The following ZNF728 variants were observed in gnomAD, a reference collection of about 807,000 sequenced individuals.
ZNF728 encodes zinc finger protein 728.
Under a neutral mutation model 12.5 loss-of-function variants are expected in ZNF728, and 12 were observed. The ratio of observed to expected loss-of-function variants is 0.96; its 90% CI spans 0.61 to 1.55. The LOEUF (loss-of-function observed/expected upper bound fraction) is 1.55. Among genes scored for constraint, ZNF728 ranks in the 40% most tolerant of loss-of-function variants. The probability of loss-of-function intolerance (pLI) is 0.00; values close to 1 mark genes in which losing one functional copy is unlikely to be tolerated. For synonymous variants in ZNF728, 205 were observed against 240.7 expected, an observed-to-expected ratio of 0.85 and a Z score of 1.37; for missense variants, 692 against 719.2, an observed-to-expected ratio of 0.96 and a Z score of 0.43.
chr19:22,993,252 C>T (rs1025562765), intron 1 of ZNF728, among the ~76,000 whole-genome samples: 2 of 152,232 alleles, frequency 1.3e-5, no homozygotes, highest in Admixed American at 1.3e-4. Flanking sequence ...TCTCACAATG[C>T]AGAAAATGCC....
Position 22,988,463 on chromosome 19 carries a change from A to G in ZNF728, c.4-12T>C, listed in dbSNP as rs1968944090. 6.2e-7 allele frequency: 1 copy of G among 1,613,122 alleles called. No individual in the cohort carries two copies. Among genetic ancestry groups the G allele is most frequent in the Admixed American group, 1.7e-5 (1 of 59,714 alleles). On this transcript the variant is annotated splice_polypyrimidine_tract_variant and intron_variant, in intron 1 of 3. Coordinates refer to ENST00000594710, the MANE Select transcript of ZNF728 (RefSeq NM_001267716.2). ...AATGTCAACGATCCCTGGAAAACACACACAAACACACATATTTACCAAGTG... is the reference window on the plus strand; with the variant it reads ...AATGTCAACGATCCCTGGAAAACACGCACAAACACACATATTTACCAAGTG...
intron 1 of ZNF728, among the ~76,000 whole-genome samples, chr19:22,990,314 A>G (rs1259616533): frequency 6.6e-6 from 1 of 151,988 alleles, no homozygotes; most frequent in African/African-American, 2.4e-5. Context: ...ATTCTTTCTC[A>G]GATAAAATTC....
chr19:22,976,960 T>A lies in ZNF728; in HGVS notation c.377A>T (p.His126Leu). 6.2e-7 allele frequency: 1 copy of A among 1,613,596 alleles called. No individual in the cohort carries two copies. The change falls in exon 4 of 4, where the codon CAC becomes CTC. Residue 126 changes from histidine to leucine, a missense_variant. This residue lies in a region of ZNF728 where 440 missense variants were observed against 459.6 expected (regional missense o/e 0.96). Transcript: ENST00000594710. ...GCTNVDECKV[H>L]KKGYNKLNQS... ...GTTAAGCTTATTATAACCTTTTTTG[T>A]GCACCTTACACTCATCCACATTGGT...
intron 3 of ZNF728, among the ~76,000 whole-genome samples, chr19:22,982,034 A>G (rs1968866200): frequency 6.6e-6 from 1 of 152,182 alleles, no homozygotes; most frequent in East Asian, 1.9e-4. Context: ...GGTGAGGGCA[A>G]TCAGGCAAGA....
intron 3 of ZNF728, among the ~76,000 whole-genome samples, chr19:22,983,383 T>C (rs541917178): frequency 1.3e-5 from 2 of 152,118 alleles, no homozygotes; most frequent in South Asian, 4.1e-4. Context: ...TGTGGAGAAG[T>C]AGGAATGCTT....
rs187478664 is a variant in ZNF728, at chr19:22,977,107, A to G, written c.230T>C (p.Ile77Thr). ...AAGGTCTTGAGCAAAATGAGAACAT[A>G]TAACTGAAAAGAAATAAAAATAACA... ...RHELVKEPPV[I>T]CSHFAQDLWP... Residue 77 changes from isoleucine to threonine, a missense_variant, in exon 4 of 4, where the codon ATA (isoleucine) becomes ACA (threonine). Physicochemically the swap from Ile to Thr is moderately conservative, Grantham distance 89 (BLOSUM62 -1). This residue lies in a region of ZNF728 where 440 missense variants were observed against 459.6 expected (regional missense o/e 0.96). Transcript: ENST00000594710. 8.4e-6 allele frequency: 13 copies of G among 1,550,060 alleles called. No homozygotes were observed. In the Admixed American group the frequency reaches 1.1e-4, roughly 13 times the overall value.
chr19:22,984,939 T>C (rs950035900), intron 3 of ZNF728, among the ~76,000 whole-genome samples: 1 of 152,072 alleles, frequency 6.6e-6, no homozygotes, highest in African/African-American at 2.4e-5. Flanking sequence ...GATGAAAAAT[T>C]AGACTAATGA....
rs537309135 is a variant in ZNF728, at chr19:22,998,365, A to C, written c.3+4663T>G. ...CAAAATCCCATCTATAAAAAAAAAA[A>C]AAACATAAAGAAAAATTAGCTAGGC... On this transcript the variant is annotated intron_variant, in intron 1 of 3. Coordinates refer to ENST00000594710, the MANE Select transcript of ZNF728 (RefSeq NM_001267716.2). Among the ~76,000 whole-genome samples, 9 of 151,998 alleles carry C rather than the reference A, an allele frequency of 5.9e-5. No individual in the cohort carries two copies. In the East Asian group the frequency reaches 1.5e-3, roughly 26 times the overall value.
intron 1 of ZNF728, among the ~76,000 whole-genome samples, chr19:23,001,998 G>C (rs980604031): frequency 7.2e-5 from 11 of 152,290 alleles, no homozygotes; most frequent in Admixed American, 4.6e-4. Flanking sequence ...TGAGGAGGCT[G>C]TAGTTCCTAA....
chr19:22,975,926 T>G lies in ZNF728; in HGVS notation c.1411A>C (p.Lys471Gln). ...AGTTTCTCTCCAGCATGAATTGCCT[T>G]ATGTGTAGTAAGGCTTGAGGACCAG... ...FSWSSSLTTH[K>Q]AIHAGEKLYK... is the part of the protein sequence containing the mutation. Residue 471 changes from lysine to glutamine, a missense_variant, in exon 4 of 4, where the codon AAG becomes CAG. This residue lies in a region of ZNF728 where 244 missense variants were observed against 235.2 expected (regional missense o/e 1.04). Coordinates refer to ENST00000594710, the MANE Select transcript of ZNF728 (RefSeq NM_001267716.2). 6.2e-7 allele frequency: 1 copy of G among 1,606,616 alleles called. No homozygotes were observed. The highest frequency in any genetic ancestry group is 8.5e-7 in the Non-Finnish European group (1 of 1,174,434).
In ZNF728 at chr19:22,976,311, A is replaced by G. The variant is rs1441904385; in HGVS notation, c.1026T>C (p.Cys342=). The G allele has an allele frequency of 1.2e-6, 2 of 1,613,424 alleles. No individual in the cohort carries two copies. Among genetic ancestry groups the G allele is most frequent in the East Asian group, 2.2e-5 (1 of 44,850 alleles). The change falls in exon 4 of 4, where the codon TGT becomes TGC. Residue 342 remains cysteine, a synonymous_variant. Coordinates refer to ENST00000594710, the MANE Select transcript of ZNF728 (RefSeq NM_001267716.2). ...RIHTGEKPCK[C]EECGKAFGNF... Reference sequence around the variant, plus strand: ...TACCAAAGGCTTTGCCACATTCTTCACATTTGCAGGGCTTCTCTCCAGTAT... The same window carrying G: ...TACCAAAGGCTTTGCCACATTCTTCGCATTTGCAGGGCTTCTCTCCAGTAT...
intron 1 of ZNF728, among the ~76,000 whole-genome samples, chr19:23,000,408 C>G (rs1304138309): frequency 6.6e-6 from 1 of 151,030 alleles, no homozygotes; most frequent in Non-Finnish European, 1.5e-5. Context: ...AAAAAAACAC[C>G]AGAGAAAACT....
Position 22,994,277 on chromosome 19 carries a change from C to T in ZNF728, c.4-5826G>A, listed in dbSNP as rs1475715147. On this transcript the variant is annotated intron_variant, in intron 1 of 3. Transcript: ENST00000594710. ...TATTTAGGGGACAGCATGCACTTCA[C>T]AGCACAATTGTGAACTGACTGGAAG... Among the ~76,000 whole-genome samples the T allele has an allele frequency of 4.6e-5, 7 of 152,166 alleles. No homozygotes were observed. In the East Asian group the frequency reaches 1.2e-3, roughly 25 times the overall value.
chr19:22,989,230 A>G (rs1968957394), intron 1 of ZNF728, among the ~76,000 whole-genome samples: 1 of 147,486 alleles, frequency 6.8e-6, no homozygotes, highest in African/African-American at 2.6e-5. Context: ...TTTTTTTTTC[A>G]GAACATCAGG....
At chr19:22,986,794 GA>G (rs1968921413) in intron 3 of ZNF728, among the ~76,000 whole-genome samples, 1 of 151,472 alleles carries the variant, frequency 6.6e-6, no homozygotes, top group Non-Finnish European at 1.5e-5. Flanking sequence ...AAATCTTGAG[GA>G]AAAAGAAAAA....
intron 3 of ZNF728, among the ~76,000 whole-genome samples, chr19:22,982,922 A>G (rs973859942): frequency 6.6e-6 from 1 of 152,204 alleles, no homozygotes; most frequent in African/African-American, 2.4e-5. Flanking sequence ...AAGAAAACCT[A>G]GACAATGCCA....
Position 23,000,514 on chromosome 19 carries a change from T to C in ZNF728, c.3+2514A>G, listed in dbSNP as rs137999996. ...TCTGAAACTCACCTTTTTATGCTCT[T>C]TGTAAATATTTTCTTACCTTTCAAG... On this transcript the variant is annotated intron_variant, in intron 1 of 3. Coordinates refer to ENST00000594710, the MANE Select transcript of ZNF728 (RefSeq NM_001267716.2). Among the ~76,000 whole-genome samples, 705 of 152,280 alleles carry C rather than the reference T, an allele frequency of 4.6e-3. 10 individuals carry two copies. The highest frequency in any genetic ancestry group is 0.016 in the African/African-American group (656 of 41,546).
chr19:22,986,676 T>C (rs1417612756), intron 3 of ZNF728, among the ~76,000 whole-genome samples: 8 of 152,048 alleles, frequency 5.3e-5, no homozygotes, highest in Admixed American at 3.3e-4. Context: ...AAGTGGTCTC[T>C]AGATTCAATA....
Position 22,976,033 on chromosome 19 carries a change from G to C in ZNF728, c.1304C>G (p.Thr435Arg). 6.3e-7 allele frequency: 1 copy of C among 1,579,806 alleles called. No homozygotes were observed. Among genetic ancestry groups the C allele is most frequent in the Non-Finnish European group, 8.6e-7 (1 of 1,161,522 alleles). The part of the protein sequence containing the change: ...KCEECGKAFT[T>R]FSSLTKHKVI... ...TTTATGTTTAGTAAGGCTCGAAAAT[G>C]TAGTAAAGGCTTTGCCACATTCTTC... Residue 435 changes from threonine (T) to arginine (R), a missense_variant, in exon 4 of 4, where the codon ACA becomes AGA. Thr to Arg is a moderately conservative substitution (Grantham distance 71). Around this residue, in one of 3 missense-constraint regions of ZNF728, gnomAD observed 244 missense variants for 235.2 expected, o/e 1.04. Transcript: ENST00000594710.
Sources: gnomAD v4.1 joint callset for allele counts (sites outside exome capture counted in the v4.1 genomes callset) on GRCh38, gnomAD v4.1.1 for gene constraint, gnomAD v4.1.1 regional missense constraint, MANE v1.5 for transcripts, NCBI Gene and HGNC (gene_info 2026-07-23, HGNC 2026-07-21) for gene names.